DSCAM: variants seen among roughly 807,000 people sequenced by gnomAD.
DSCAM encodes cell adhesion molecule DSCAM.
Under a neutral mutation model 217.7 loss-of-function variants are expected in DSCAM, and 47 were observed. The observed-to-expected ratio is 0.22, with a 90% CI of 0.17 to 0.28. The LOEUF is 0.28. Among genes scored for constraint, DSCAM ranks in the 10% least tolerant of loss-of-function variants. The probability of loss-of-function intolerance (pLI) is 1.00; values close to 1 mark genes in which losing one functional copy is unlikely to be tolerated. For missense variants in DSCAM, 2,080 were observed against 2,618.3 expected (o/e 0.79, Z 4.49); for synonymous variants, 1,056 against 1,015.3 (o/e 1.04, Z -0.76).
intron 3 of DSCAM, among the ~76,000 whole-genome samples, chr21:40,515,256 C>T (rs1486247601): frequency 2.0e-5 from 3 of 152,154 alleles, no homozygotes; most frequent in Non-Finnish European, 4.4e-5. Flanking sequence ...CTATAGACTA[C>T]ATTAACTTAT....
intron 1 of DSCAM, among the ~76,000 whole-genome samples, chr21:40,808,614 C>A (rs913683071): frequency 2.0e-5 from 3 of 151,972 alleles, no homozygotes; most frequent in African/African-American, 7.2e-5. Flanking sequence ...GCTGAGACTA[C>A]AGGTGCACCA....
chr21:40,248,485 T>C (rs2073257812), intron 11 of DSCAM, among the ~76,000 whole-genome samples: 1 of 152,212 alleles, frequency 6.6e-6, no homozygotes. Flanking sequence ...GGCAAAATGC[T>C]GCCAGTCTCT....
intron 3 of DSCAM, among the ~76,000 whole-genome samples, chr21:40,616,334 T>C (rs557843358): frequency 1.0e-3 from 154 of 152,226 alleles, no homozygotes; most frequent in Non-Finnish European, 1.8e-3. Flanking sequence ...AAGGTTGTTT[T>C]GTACACCCGG....
intron 5 of DSCAM, among the ~76,000 whole-genome samples, chr21:40,350,346 C>A (rs754607427): frequency 2.0e-5 from 3 of 152,108 alleles, no homozygotes; most frequent in Admixed American, 2.0e-4. Context: ...TCAGAATGAA[C>A]AGGCAACCTA....
intron 11 of DSCAM, among the ~76,000 whole-genome samples, chr21:40,248,622 G>A (rs945870002): frequency 1.3e-5 from 2 of 152,180 alleles, no homozygotes; most frequent in Non-Finnish European, 1.5e-5. Context: ...AGCCATTCAA[G>A]TCTCTAGGAA....
At chr21:40,069,734 G>A (rs953267909) in intron 27 of DSCAM, among the ~76,000 whole-genome samples, 8 of 152,116 alleles carry the variant, frequency 5.3e-5, no homozygotes, top group African/African-American at 1.7e-4. Flanking sequence ...AACAGTCCCT[G>A]CCTTTCTGTG....
chr21:40,381,209 G>A (rs2123729558), intron 3 of DSCAM, among the ~76,000 whole-genome samples: 1 of 152,250 alleles, frequency 6.6e-6, no homozygotes, highest in East Asian at 1.9e-4. Context: ...CTCCTGCCAG[G>A]AATAAGAACC....
At chr21:40,602,870 T>C (rs988150667) in intron 3 of DSCAM, among the ~76,000 whole-genome samples, 2 of 152,128 alleles carry the variant, frequency 1.3e-5, no homozygotes, top group African/African-American at 4.8e-5. Context: ...TTCTGCTTGT[T>C]TTAGGCTGAT....
chr21:40,707,269 G>T, intron 2 of DSCAM, among the ~76,000 whole-genome samples: 1 of 152,194 alleles, frequency 6.6e-6, no homozygotes, highest in East Asian at 1.9e-4. Context: ...GTCATTCACT[G>T]TATCTCCCTG....
At chr21:40,512,888 T>C (rs2076271045) in intron 3 of DSCAM, among the ~76,000 whole-genome samples, 1 of 151,958 alleles carries the variant, frequency 6.6e-6, no homozygotes, top group African/African-American at 2.4e-5. Context: ...CTCCACTAAT[T>C]TTTATTTTTA....
intron 11 of DSCAM, among the ~76,000 whole-genome samples, chr21:40,266,106 C>T (rs961481646): frequency 6.6e-6 from 1 of 151,956 alleles, no homozygotes; most frequent in Non-Finnish European, 1.5e-5. Flanking sequence ...ATTATGCATC[C>T]GACAAAGTAC....
intron 16 of DSCAM, among the ~76,000 whole-genome samples, chr21:40,146,744 G>A (rs148976841): frequency 5.9e-5 from 9 of 152,262 alleles, no homozygotes. Context: ...TTAGACCCTG[G>A]TGGAAGAGCT....
At chr21:40,700,279 G>A (rs530329740) in intron 2 of DSCAM, among the ~76,000 whole-genome samples, 16 of 152,258 alleles carry the variant, frequency 1.1e-4, no homozygotes, top group African/African-American at 3.6e-4. Context: ...TTCTTCATTT[G>A]GGGGTGAAAA....
At chr21:40,655,842 C>T (rs968261241) in intron 3 of DSCAM, among the ~76,000 whole-genome samples, 3 of 152,096 alleles carry the variant, frequency 2.0e-5, no homozygotes, top group Admixed American at 2.0e-4. Context: ...TCGCTTGAGT[C>T]CAGGAGCTCC....
intron 3 of DSCAM, among the ~76,000 whole-genome samples, chr21:40,668,950 G>A (rs1001865752): frequency 6.6e-6 from 1 of 152,126 alleles, no homozygotes; most frequent in Non-Finnish European, 1.5e-5. Context: ...AGATTGTATT[G>A]AGTTCAGGAA....
chr21:40,308,580 T>C (rs1357135985), intron 9 of DSCAM, among the ~76,000 whole-genome samples: 2 of 152,172 alleles, frequency 1.3e-5, no homozygotes, highest in Non-Finnish European at 2.9e-5. Flanking sequence ...ATCATCTTAG[T>C]ATCTTTCAAT....
chr21:40,068,338 G>A (rs2089241043), intron 27 of DSCAM, among the ~76,000 whole-genome samples: 1 of 152,060 alleles, frequency 6.6e-6, no homozygotes, highest in Non-Finnish European at 1.5e-5. Context: ...GTGTAGCTGA[G>A]GACAGAATAC....
At chr21:40,208,076 A>C (rs1260501015) in intron 11 of DSCAM, among the ~76,000 whole-genome samples, 1 of 152,212 alleles carries the variant, frequency 6.6e-6, no homozygotes, top group Admixed American at 6.5e-5. Context: ...TACCTATAAT[A>C]CATTATCAAT....
chr21:40,524,736 TGTG>T (rs2076386785), intron 3 of DSCAM, among the ~76,000 whole-genome samples: 1 of 151,836 alleles, frequency 6.6e-6, no homozygotes, highest in Non-Finnish European at 1.5e-5. Flanking sequence ...CAGGGCCAGG[TGTG>T]GTGGCTCATA....
Sources: allele counts gnomAD v4.1 joint callset (sites outside exome capture counted in the v4.1 genomes callset), GRCh38; gene constraint gnomAD v4.1.1; transcripts MANE v1.5; gene names NCBI Gene and HGNC (gene_info 2026-07-23, HGNC 2026-07-21).